Variants in SMC6 observed in about 807,000 individuals in gnomAD.
SMC6 encodes structural maintenance of chromosomes protein 6.
Under a neutral mutation model 142.2 loss-of-function variants are expected in SMC6, and 79 were observed. The observed-to-expected ratio is 0.56, with a 90% confidence interval of 0.46 to 0.67. SMC6 has a LOEUF of 0.67. Among genes scored for constraint, SMC6 ranks in the 30% least tolerant of loss-of-function variants. SMC6 has a pLI of 0.00. For missense variants in SMC6, 1,072 were observed against 1,284.0 expected (o/e 0.83, Z 2.52); for synonymous variants, 411 against 412.4 (o/e 1.00, Z 0.04).
In SMC6 at chr2:17,715,083, T is replaced by C; in HGVS notation, c.1526-18A>G. 6.2e-7 allele frequency: 1 copy of C among 1,607,704 alleles called. No homozygotes were observed. Among genetic ancestry groups the C allele is most frequent in the Non-Finnish European group, 8.5e-7 (1 of 1,177,794 alleles). On this transcript the variant is annotated intron_variant, in intron 15 of 27. Transcript: ENST00000448223. ...GCAAGCTCCTAAAAGTGAGAGAAAA[T>C]TACAGAAGGGCTCATAAATACTTAT... is the stretch of plus-strand genomic sequence containing the variant.
intron 16 of SMC6, among the ~76,000 whole-genome samples, chr2:17,711,702 T>C (rs959037552): frequency 6.6e-6 from 1 of 152,174 alleles, no homozygotes; most frequent in Admixed American, 6.5e-5. Context: ...CACTGCAGCC[T>C]TGACTTCCAG....
intron 23 of SMC6, among the ~76,000 whole-genome samples, chr2:17,687,278 G>A (rs530282138): frequency 5.3e-5 from 8 of 152,238 alleles, no homozygotes; most frequent in East Asian, 3.9e-4. Flanking sequence ...ACATGTGTGC[G>A]TGCATGTGCA....
intron 5 of SMC6, among the ~76,000 whole-genome samples, chr2:17,735,674 T>C (rs1670117917): frequency 1.3e-5 from 2 of 152,202 alleles, no homozygotes; most frequent in Admixed American, 1.3e-4. Flanking sequence ...GCATGAGGCC[T>C]TGGGTCACTG....
intron 21 of SMC6, 35 bp from the exon 22 acceptor site, chr2:17,696,461 A>G: frequency 6.3e-7 from 1 of 1,590,304 alleles, no homozygotes. Flanking sequence ...AGATTGTTTT[A>G]AAAAAATTTC....
At chr2:17,715,137 T>C in intron 15 of SMC6, 72 bp from the exon 16 acceptor site, 1 of 1,371,862 alleles carries the variant, frequency 7.3e-7, no homozygotes. Flanking sequence ...TCCTCTTTAA[T>C]TATAGCATAT....
chr2:17,729,595 T>C (rs371532727), intron 7 of SMC6, among the ~76,000 whole-genome samples: 2 of 152,216 alleles, frequency 1.3e-5, no homozygotes, highest in Non-Finnish European at 2.9e-5. Context: ...AGAGTACTTA[T>C]ACAGTATACT....
At chr2:17,728,737 C>A (rs981153462) in intron 7 of SMC6, among the ~76,000 whole-genome samples, 2 of 146,890 alleles carry the variant, frequency 1.4e-5, no homozygotes, top group African/African-American at 5.3e-5. Context: ...GAAAAATATA[C>A]GCCAAGTCAC....
intron 3 of SMC6, among the ~76,000 whole-genome samples, chr2:17,742,364 C>T (rs1255397821): frequency 6.6e-6 from 1 of 152,124 alleles, no homozygotes; most frequent in African/African-American, 2.4e-5. Flanking sequence ...CTTATTATGG[C>T]AACTGTGTGA....
At chr2:17,682,261 C>T (rs1667269563) in intron 24 of SMC6, among the ~76,000 whole-genome samples, 1 of 152,152 alleles carries the variant, frequency 6.6e-6, no homozygotes, top group Non-Finnish European at 1.5e-5. Flanking sequence ...TTAACTTCTT[C>T]CAAACTCTGA....
At chr2:17,694,430 C>T (rs1349779225) in intron 23 of SMC6, among the ~76,000 whole-genome samples, 1 of 152,084 alleles carries the variant, frequency 6.6e-6, no homozygotes, top group African/African-American at 2.4e-5. Flanking sequence ...TATCAAAATG[C>T]CATATGTACC....
At chr2:17,745,147 C>G (rs983274333) in intron 3 of SMC6, among the ~76,000 whole-genome samples, 4 of 152,128 alleles carry the variant, frequency 2.6e-5, no homozygotes, top group Non-Finnish European at 5.9e-5. Flanking sequence ...GCAACCATAT[C>G]TATTAGGTAT....
intron 23 of SMC6, among the ~76,000 whole-genome samples, chr2:17,685,972 T>C (rs554327199): frequency 6.6e-6 from 1 of 152,046 alleles, no homozygotes; most frequent in South Asian, 2.1e-4. Flanking sequence ...AATAGATAAT[T>C]CACAAGGTAT....
At chr2:17,726,595 A>T in intron 7 of SMC6, 126 bp from the exon 8 acceptor site, 1 of 642,608 alleles carries the variant, frequency 1.6e-6, no homozygotes, top group Middle Eastern at 2.7e-4. Flanking sequence ...GCCAAAGGTT[A>T]TAACGTTAGG....
chr2:17,720,904 C>T, intron 11 of SMC6, 36 bp downstream of exon 11: 1 of 1,517,188 alleles, frequency 6.6e-7, no homozygotes, highest in Non-Finnish European at 9.1e-7. Flanking sequence ...TCATATGATT[C>T]AACCTATTAA....
intron 2 of SMC6, among the ~76,000 whole-genome samples, chr2:17,747,302 C>T (rs970345020): frequency 2.0e-5 from 3 of 152,158 alleles, no homozygotes; most frequent in African/African-American, 7.2e-5. Flanking sequence ...ACTGAAACTG[C>T]CACCCTAGCC....
intron 2 of SMC6, among the ~76,000 whole-genome samples, 175 bp downstream of exon 2, chr2:17,752,803 G>A (rs191227499): frequency 2.0e-5 from 3 of 152,128 alleles, no homozygotes; most frequent in Admixed American, 2.0e-4. Context: ...ATAAAAGTCA[G>A]GAGATTTGGG....
chr2:17,680,369 G>C (rs1369557532), intron 24 of SMC6: 1 of 152,018 alleles, frequency 6.6e-6, no homozygotes, highest in South Asian at 2.1e-4. Flanking sequence ...CAAAAGTTTT[G>C]TTTACACTGT....
At chr2:17,670,136 C>T (rs977349755) in intron 26 of SMC6, among the ~76,000 whole-genome samples, 1 of 151,994 alleles carries the variant, frequency 6.6e-6, no homozygotes, top group Non-Finnish European at 1.5e-5. Flanking sequence ...TGAAAATAAG[C>T]TGGGAGAGAG....
chr2:17,741,539 T>C, intron 4 of SMC6, 73 bp downstream of exon 4: 1 of 859,832 alleles, frequency 1.2e-6, no homozygotes, highest in Non-Finnish European at 1.9e-6. Context: ...AATAGTCACC[T>C]ATTTCAAAAA....
Sources: allele counts gnomAD v4.1 joint callset (sites outside exome capture counted in the v4.1 genomes callset), GRCh38; gene constraint gnomAD v4.1.1; transcripts MANE v1.5; gene names NCBI Gene and HGNC (gene_info 2026-07-23, HGNC 2026-07-21).